The following ZNF423 variants were observed in gnomAD, a reference collection of about 807,000 sequenced individuals.
The protein encoded by ZNF423 is zinc finger protein 423.
ZNF423 carries 12 observed loss-of-function variants against 95.8 expected under a neutral mutation model. The ratio of observed to expected loss-of-function variants is 0.13; its 90% confidence interval spans 0.08 to 0.20. ZNF423 has a LOEUF of 0.20. ZNF423 is among the 10% of genes least tolerant of loss of function. The pLI is 1.00. For missense variants in ZNF423, 1,316 were observed against 1,737.1 expected (o/e 0.76, Z 4.31); for synonymous variants, 749 against 711.9 (o/e 1.05, Z -0.83).
Position 49,636,476 on chromosome 16 carries a change from C to A in ZNF423, c.2700G>T (p.Gly900=). The A allele has an allele frequency of 3.1e-6, 5 of 1,613,622 alleles. No homozygotes were observed. The highest frequency in any genetic ancestry group is 4.2e-6 in the Non-Finnish European group (5 of 1,180,008). The change falls in exon 4 of 8, where the codon GGG becomes GGT. Residue 900 remains glycine, a synonymous_variant. Transcript: ENST00000563137. The surrounding 1 kb of genome is among the most constrained non-coding windows in gnomAD (Gnocchi z 8.6). ...GCAGCACCTCCATGGTGTAGGCCGCCCCACAGATGTCACAGCCGTACATGG... is the reference window on the plus strand; with the variant it reads ...GCAGCACCTCCATGGTGTAGGCCGCACCACAGATGTCACAGCCGTACATGG... ...SEPMYGCDIC[G]AAYTMEVLLQ...
At chr16:49,739,587 T>C (rs2033369103) in intron 2 of ZNF423, among the ~76,000 whole-genome samples, 1 of 152,128 alleles carries the variant, frequency 6.6e-6, no homozygotes, top group South Asian at 2.1e-4. Flanking sequence ...CCCACTGTTC[T>C]TGTGCCCGCC....
chr16:49,500,007 T>A (rs1169191802), intron 7 of ZNF423, among the ~76,000 whole-genome samples: 3 of 152,016 alleles, frequency 2.0e-5, no homozygotes, highest in East Asian at 1.9e-4. Flanking sequence ...GCCCCGTCAG[T>A]CTGTTTGTGA....
In ZNF423 at chr16:49,605,586, C is replaced by G. The variant is rs537895127; in HGVS notation, c.3601+20584G>C. Among the ~76,000 whole-genome samples, 7 of 152,230 alleles carry G rather than the reference C, an allele frequency of 4.6e-5. No homozygotes were observed. In the South Asian group the frequency reaches 1.2e-3, roughly 27 times the overall value. Reference sequence around the variant, plus strand: ...TTCCCCAGAACAGACCCTCAGGCCCCCTTCTGAGCGACAGCAGACACTCCC... The same window carrying G: ...TTCCCCAGAACAGACCCTCAGGCCCGCTTCTGAGCGACAGCAGACACTCCC... On this transcript the variant is annotated intron_variant, in intron 5 of 7. Transcript: ENST00000563137.
chr16:49,578,496 T>A (rs1970566463), intron 5 of ZNF423, among the ~76,000 whole-genome samples: 1 of 152,158 alleles, frequency 6.6e-6, no homozygotes, highest in South Asian at 2.1e-4. Context: ...TCCGAGAGCT[T>A]GTGGGCCGCG....
At chr16:49,509,466 G>A (rs922001499) in intron 7 of ZNF423, among the ~76,000 whole-genome samples, 3 of 152,086 alleles carry the variant, frequency 2.0e-5, no homozygotes, top group South Asian at 2.1e-4. Context: ...CCCCATGCCC[G>A]GCCCCCAGCA....
chr16:49,669,562 G>A (rs1210837112), intron 3 of ZNF423, among the ~76,000 whole-genome samples: 1 of 152,190 alleles, frequency 6.6e-6, no homozygotes, highest in African/African-American at 2.4e-5. Context: ...GCCAGGCCAG[G>A]TGGGGTGCAA....
chr16:49,854,300 T>A, intron 1 of ZNF423: 1 of 985,362 alleles, frequency 1.0e-6, no homozygotes, highest in Non-Finnish European at 1.2e-6. Context: ...CTCCTTCTAA[T>A]ATGACGGGGA....
chr16:49,639,715 C>A (rs543421211), intron 3 of ZNF423, among the ~76,000 whole-genome samples: 1 of 152,166 alleles, frequency 6.6e-6, no homozygotes, highest in African/African-American at 2.4e-5. Context: ...CAGACCCAGG[C>A]GGACCCTTAA....
chr16:49,768,196 C>T (rs1435993100), intron 2 of ZNF423, among the ~76,000 whole-genome samples: 1 of 152,220 alleles, frequency 6.6e-6, no homozygotes, highest in Admixed American at 6.5e-5. Flanking sequence ...CCAGACACCA[C>T]CTCTGCTCCA....
chr16:49,598,869 A>G (rs1971266339), intron 5 of ZNF423, among the ~76,000 whole-genome samples: 1 of 152,206 alleles, frequency 6.6e-6, no homozygotes, highest in Non-Finnish European at 1.5e-5. Context: ...AAGGGTCTGA[A>G]AGTATTAGGC....
chr16:49,794,696 G>A (rs540503100), intron 1 of ZNF423, among the ~76,000 whole-genome samples: 1 of 152,306 alleles, frequency 6.6e-6, no homozygotes, highest in East Asian at 1.9e-4. Context: ...ACCTGACCTT[G>A]CAGGGCAGCT....
intron 5 of ZNF423, among the ~76,000 whole-genome samples, chr16:49,623,523 C>T (rs891314972): frequency 3.9e-5 from 6 of 152,242 alleles, no homozygotes; most frequent in Admixed American, 1.3e-4. Context: ...CAAACAGGAA[C>T]GCGCATTAAC....
intron 1 of ZNF423, among the ~76,000 whole-genome samples, chr16:49,801,177 G>A (rs934859015): frequency 1.3e-5 from 2 of 152,192 alleles, no homozygotes; most frequent in South Asian, 2.1e-4. Context: ...TGAGGAGAGC[G>A]TGCCCTGCCA....
intron 1 of ZNF423, among the ~76,000 whole-genome samples, chr16:49,809,221 C>A (rs529322752): frequency 6.6e-6 from 1 of 152,354 alleles, no homozygotes; most frequent in African/African-American, 2.4e-5. Flanking sequence ...CAAAACATAG[C>A]GGCCCACACA....
intron 7 of ZNF423, among the ~76,000 whole-genome samples, chr16:49,508,113 G>T (rs1293343033): frequency 6.6e-6 from 1 of 152,160 alleles, no homozygotes; most frequent in Admixed American, 6.5e-5. Flanking sequence ...CTTCATATTA[G>T]AGGCATTGTG....
At chr16:49,734,246 T>A (rs998472188) in intron 2 of ZNF423, among the ~76,000 whole-genome samples, 4 of 152,202 alleles carry the variant, frequency 2.6e-5, no homozygotes, top group African/African-American at 9.6e-5. Flanking sequence ...GCTCCGCCTG[T>A]CCTGTGTGCT....
chr16:49,718,964 C>T (rs1326403210), intron 3 of ZNF423, among the ~76,000 whole-genome samples: 1 of 152,194 alleles, frequency 6.6e-6, no homozygotes, highest in Non-Finnish European at 1.5e-5. Context: ...CCTCTATTTG[C>T]CTCTTTTACC....
At chr16:49,562,520 T>C (rs1970052124) in intron 5 of ZNF423, among the ~76,000 whole-genome samples, 1 of 152,152 alleles carries the variant, frequency 6.6e-6, no homozygotes, top group Admixed American at 6.5e-5. Flanking sequence ...AGTATTTGTA[T>C]CAGGTGAGAA....
rs554172246 is a variant in ZNF423, at chr16:49,635,248, C to T, written c.3516+412G>A. On this transcript the variant is annotated intron_variant, in intron 4 of 7. Transcript: ENST00000563137. The surrounding 1 kb of genome is among the most constrained non-coding windows in gnomAD (Gnocchi z 4.8). Reference sequence around the variant, plus strand: ...AGTCAGTGACTTGCCTAAGGAGACCCAATAAGCAAATGAGTATGTCATACC... The same window carrying T: ...AGTCAGTGACTTGCCTAAGGAGACCTAATAAGCAAATGAGTATGTCATACC... Among the ~76,000 whole-genome samples the T allele has an allele frequency of 6.6e-6, 1 of 152,112 alleles. No individual in the cohort carries two copies. The highest frequency in any genetic ancestry group is 2.4e-5 in the African/African-American group (1 of 41,396).
Sources: allele counts gnomAD v4.1 joint callset (sites outside exome capture counted in the v4.1 genomes callset), GRCh38; gene constraint gnomAD v4.1.1; non-coding constraint Gnocchi (gnomAD v3.1); transcripts MANE v1.5; gene names NCBI Gene and HGNC (gene_info 2026-07-23, HGNC 2026-07-21).